HPGDS: variants seen among roughly 807,000 people sequenced by gnomAD.
HPGDS encodes the protein hematopoietic prostaglandin D synthase.
HPGDS carries 26 observed loss-of-function variants against 23.1 expected under a neutral mutation model. The observed-to-expected ratio is 1.13, with a 90% CI of 0.83 to 1.56. The LOEUF (loss-of-function observed/expected upper bound fraction) is 1.56. HPGDS is among the 40% of genes most tolerant of loss of function. HPGDS has a pLI of 0.00. For missense variants in HPGDS, 268 were observed against 236.4 expected (o/e 1.13, Z -0.88); for synonymous variants, 95 against 77.9 (o/e 1.22, Z -1.16).
chr4:94,304,528 A>T (rs1434872957), intron 4 of HPGDS, among the ~76,000 whole-genome samples: 2 of 152,124 alleles, frequency 1.3e-5, no homozygotes, highest in Admixed American at 6.6e-5. Context: ...TCTTAAGTGC[A>T]TCAATATTCT....
intron 4 of HPGDS, 87 bp downstream of exon 4, chr4:94,308,547 A>G (rs1346028904): frequency 3.2e-6 from 2 of 627,816 alleles, no homozygotes; most frequent in Non-Finnish European, 5.6e-6. Context: ...TATTCTTTTG[A>G]TATTAAGGAA....
intron 1 of HPGDS, among the ~76,000 whole-genome samples, chr4:94,336,440 A>G (rs1405189056): frequency 3.9e-5 from 6 of 152,096 alleles, no homozygotes; most frequent in Non-Finnish European, 8.8e-5. Flanking sequence ...CTGTGTCCAG[A>G]TGTTGTGGAG....
intron 3 of HPGDS, among the ~76,000 whole-genome samples, chr4:94,310,523 T>C (rs2126037302): frequency 6.6e-6 from 1 of 152,320 alleles, no homozygotes; most frequent in African/African-American, 2.4e-5. Flanking sequence ...TACCATGCTG[T>C]TTTGGTTACT....
At chr4:94,302,966 A>C (rs1366614879) in intron 4 of HPGDS, among the ~76,000 whole-genome samples, 1 of 152,096 alleles carries the variant, frequency 6.6e-6, no homozygotes, top group Admixed American at 6.6e-5. Context: ...TCTTGATAAG[A>C]GATGTTTGTT....
intron 3 of HPGDS, among the ~76,000 whole-genome samples, chr4:94,309,158 A>C (rs1340882937): frequency 6.7e-6 from 1 of 148,332 alleles, no homozygotes; most frequent in Non-Finnish European, 1.5e-5. Flanking sequence ...TCTAAGGTAC[A>C]TGTGCACAAC....
chr4:94,342,261 T>G (rs1721188604), intron 1 of HPGDS, among the ~76,000 whole-genome samples: 1 of 152,148 alleles, frequency 6.6e-6, no homozygotes, highest in Non-Finnish European at 1.5e-5. Context: ...ATTCCTGGCC[T>G]GGGGTAAATC....
At chr4:94,313,784 G>A (rs554092910) in intron 3 of HPGDS, among the ~76,000 whole-genome samples, 7 of 151,834 alleles carry the variant, frequency 4.6e-5, no homozygotes, top group South Asian at 4.2e-4. Context: ...CCAATCAGAC[G>A]TAGATTTGGT....
chr4:94,313,614 T>G (rs937503643), intron 3 of HPGDS, among the ~76,000 whole-genome samples: 4 of 152,168 alleles, frequency 2.6e-5, no homozygotes, highest in African/African-American at 9.7e-5. Flanking sequence ...CAATTATGTG[T>G]CTTGGAGTTG....
rs1202768776 is a variant in HPGDS, at chr4:94,317,961, G to A, written c.138C>T (p.Leu46=). The A allele has an allele frequency of 6.3e-7, 1 of 1,597,726 alleles. No homozygotes were observed. Among genetic ancestry groups the A allele is most frequent in the Non-Finnish European group, 8.6e-7 (1 of 1,167,000 alleles). The change falls in exon 3 of 6, where the codon CTC becomes CTT. Residue 46 remains leucine (L), a synonymous_variant. Coordinates refer to ENST00000295256, the MANE Select transcript of HPGDS (RefSeq NM_014485.3). ...CCAAAATGGGGATTTTTCCAAATGG[G>A]AGAGCTTAAAATGAAATGAGCAAAT... The part of the protein sequence containing the change: ...QADWPEIKST[L]PFGKIPILEV...
chr4:94,335,793 A>C (rs1360941049), intron 1 of HPGDS, among the ~76,000 whole-genome samples: 1 of 152,268 alleles, frequency 6.6e-6, no homozygotes, highest in African/African-American at 2.4e-5. Context: ...TTATTTATTT[A>C]AAGTGGTGAG....
intron 2 of HPGDS, among the ~76,000 whole-genome samples, chr4:94,329,649 G>C (rs1004504474): frequency 1.3e-5 from 2 of 152,190 alleles, no homozygotes; most frequent in Non-Finnish European, 2.9e-5. Context: ...GTTCGCATTA[G>C]AGCCATTGAC....
intron 4 of HPGDS, among the ~76,000 whole-genome samples, chr4:94,307,550 C>A (rs1037577209): frequency 1.3e-5 from 2 of 152,252 alleles, no homozygotes; most frequent in East Asian, 3.9e-4. Flanking sequence ...AGGAACAGGA[C>A]TCCAGCTCCA....
At chr4:94,333,468 A>C (rs1435201042) in intron 2 of HPGDS, among the ~76,000 whole-genome samples, 2 of 152,232 alleles carry the variant, frequency 1.3e-5, no homozygotes, top group African/African-American at 4.8e-5. Flanking sequence ...AAGGGGTGGC[A>C]GATCAACAAG....
intron 2 of HPGDS, among the ~76,000 whole-genome samples, chr4:94,324,057 T>C (rs1165388108): frequency 2.6e-5 from 4 of 152,188 alleles, no homozygotes; most frequent in Admixed American, 6.5e-5. Flanking sequence ...GGGTTGAAAA[T>C]TGTTTTATTT....
intron 2 of HPGDS, among the ~76,000 whole-genome samples, chr4:94,328,026 C>A (rs1478129510): frequency 6.6e-6 from 1 of 152,346 alleles, no homozygotes; most frequent in Non-Finnish European, 1.5e-5. Flanking sequence ...GGACTCCAGG[C>A]ACTCCCTATC....
At chr4:94,338,886 G>C (rs1209428141) in intron 1 of HPGDS, among the ~76,000 whole-genome samples, 1 of 152,156 alleles carries the variant, frequency 6.6e-6, no homozygotes, top group Non-Finnish European at 1.5e-5. Context: ...ATTTCAAATG[G>C]AAATGCTAAG....
At chr4:94,323,707 G>C (rs942399868) in intron 2 of HPGDS, among the ~76,000 whole-genome samples, 6 of 152,122 alleles carry the variant, frequency 3.9e-5, no homozygotes, top group Middle Eastern at 3.4e-3. Flanking sequence ...TGGGTCTTGA[G>C]TCTTTATCCA....
intron 2 of HPGDS, among the ~76,000 whole-genome samples, chr4:94,329,098 G>A (rs1579445732): frequency 6.6e-6 from 1 of 152,136 alleles, no homozygotes; most frequent in East Asian, 1.9e-4. Flanking sequence ...CAAAATATGT[G>A]AACAAGAAGG....
intron 1 of HPGDS, among the ~76,000 whole-genome samples, chr4:94,336,205 C>CA (rs11349997): frequency 3.2e-3 from 378 of 119,788 alleles, no homozygotes; most frequent in East Asian, 0.011. Context: ...GACGCCGTCT[C>CA]AAAAAAAAAA....
Sources: gnomAD v4.1 joint callset for allele counts (sites outside exome capture counted in the v4.1 genomes callset) on GRCh38, gnomAD v4.1.1 for gene constraint, MANE v1.5 for transcripts, NCBI Gene and HGNC (gene_info 2026-07-23, HGNC 2026-07-21) for gene names.